OOEP: variants seen among roughly 807,000 people sequenced by gnomAD.
OOEP encodes oocyte-expressed protein homolog.
In OOEP, 16 loss-of-function variants were observed where a neutral mutation model predicts 13.7. That is an observed-to-expected ratio of 1.16 (90% CI 0.79 to 1.77). The LOEUF is 1.77. Ranked by LOEUF, OOEP falls within the 40% of genes most tolerant of loss-of-function variation. The probability of loss-of-function intolerance (pLI) is 0.00; values close to 1 mark genes in which losing one functional copy is unlikely to be tolerated. For synonymous variants in OOEP, 89 were observed against 77.1 expected (o/e 1.15, Z -0.81); for missense variants, 195 against 193.1 (o/e 1.01, Z -0.06).
chr6:73,381,561 A>G (rs1434014435), intron 2 of OOEP, among the ~76,000 whole-genome samples: 1 of 152,236 alleles, frequency 6.6e-6, no homozygotes, highest in Non-Finnish European at 1.5e-5. Flanking sequence ...GTAAAGCAGG[A>G]ACAGACACTA....
chr6:73,389,141 C>A (rs1204829859), intron 2 of OOEP, among the ~76,000 whole-genome samples: 1 of 152,154 alleles, frequency 6.6e-6, no homozygotes, highest in Non-Finnish European at 1.5e-5. Flanking sequence ...TTGAGGAAGC[C>A]AGAGGCTTCG....
intron 2 of OOEP, among the ~76,000 whole-genome samples, chr6:73,381,072 T>C (rs1213180980): frequency 2.6e-5 from 4 of 151,742 alleles, no homozygotes; most frequent in Non-Finnish European, 4.4e-5. Context: ...GGCAGGAGAA[T>C]TGCTTGAACC....
chr6:73,379,336 T>C (rs1769171479), intron 2 of OOEP, among the ~76,000 whole-genome samples: 1 of 150,514 alleles, frequency 6.6e-6, no homozygotes, highest in Non-Finnish European at 1.5e-5. Flanking sequence ...AAAAATAATT[T>C]GTTTCTCAAA....
intron 2 of OOEP, among the ~76,000 whole-genome samples, chr6:73,386,811 C>CA (rs1254107347): frequency 1.3e-5 from 2 of 151,064 alleles, no homozygotes; most frequent in South Asian, 2.1e-4. Context: ...ATTAAAAATA[C>CA]AAAAAAATTA....
chr6:73,394,541 G>C (rs995975187), intron 1 of OOEP: 2 of 579,430 alleles, frequency 3.5e-6, no homozygotes. Context: ...CCAGGAACCC[G>C]AGGTGTGTGT....
At chr6:73,393,739 G>A (rs939412559) in intron 2 of OOEP, among the ~76,000 whole-genome samples, 2 of 152,138 alleles carry the variant, frequency 1.3e-5, no homozygotes, top group African/African-American at 4.8e-5. Context: ...TATCACTTGA[G>A]TCCAACAGGT....
chr6:73,384,983 C>T (rs537413495), intron 2 of OOEP, among the ~76,000 whole-genome samples: 1 of 151,282 alleles, frequency 6.6e-6, no homozygotes, highest in East Asian at 2.0e-4. Context: ...GTGATCCACT[C>T]GCCTTGGCCT....
chr6:73,369,350 T>A lies in OOEP; in HGVS notation c.226A>T (p.Thr76Ser), dbSNP rs778824912. 1.3e-5 allele frequency: 21 copies of A among 1,613,358 alleles called. No homozygotes were observed. In the South Asian group the frequency reaches 2.3e-4, roughly 18 times the overall value. Reference sequence around the variant, plus strand: ...TCCACTGTCAGCAGGGCCTGGCTCGTCCACTCCATTTCTGGAATTATGGCT... The same window carrying A: ...TCCACTGTCAGCAGGGCCTGGCTCGACCACTCCATTTCTGGAATTATGGCT... ...DRAIIPEMEW[T>S]SQALLTVDIV... The change falls in exon 2 of 3, where the codon ACG (threonine) becomes TCG (serine). Residue 76 changes from threonine to serine, a missense_variant. Coordinates refer to ENST00000370359, the MANE Select transcript of OOEP (RefSeq NM_001080507.3).
chr6:73,369,979 TC>T, upstream of OOEP: 1 of 591,354 alleles, frequency 1.7e-6, no homozygotes, highest in Non-Finnish European at 3.0e-6. Context: ...ATTGGACACT[TC>T]CTGCGCTGCT....
chr6:73,378,544 A>G (rs1769161621), intron 2 of OOEP, among the ~76,000 whole-genome samples: 1 of 151,922 alleles, frequency 6.6e-6, no homozygotes, highest in Non-Finnish European at 1.5e-5. Context: ...TGAAACTCCA[A>G]CTCAGAAAGA....
At chr6:73,376,062 G>A (rs1052824267) in intron 2 of OOEP, among the ~76,000 whole-genome samples, 2 of 152,072 alleles carry the variant, frequency 1.3e-5, no homozygotes, top group Non-Finnish European at 2.9e-5. Context: ...GTGATTACAG[G>A]TGTGAGCCAC....
chr6:73,368,560 T>C lies in OOEP; in HGVS notation c.*224A>G. 1 of 430,860 alleles carries C rather than the reference T, an allele frequency of 2.3e-6. No homozygotes were observed. Among genetic ancestry groups the C allele is most frequent in the Non-Finnish European group, 4.1e-6 (1 of 241,734 alleles). 26.7% of individuals were successfully genotyped at this position (430,860 alleles called of 1,614,324 possible). A position where few individuals can be genotyped will look rare whatever the true frequency, so the allele number is the denominator to read the frequency against. On this transcript the variant is annotated 3_prime_UTR_variant, in exon 3 of 3. Coordinates refer to ENST00000370359, the MANE Select transcript of OOEP (RefSeq NM_001080507.3). ...AACATGAGTGGGAGTCAATCTTTTATAAATTTGCTTTATTATAAGTGTGTG... is the reference window on the plus strand; with the variant it reads ...AACATGAGTGGGAGTCAATCTTTTACAAATTTGCTTTATTATAAGTGTGTG...
Position 73,385,073 on chromosome 6 carries a change from G to C in OOEP, c.25+9273C>G, listed in dbSNP as rs184530855. On this transcript the variant is annotated intron_variant, in intron 2 of 3. Transcript: ENST00000370363. ...TAAAAAAGGCAAATGGAGGCTGGGC[G>C]TGGTGGCTCACGCCTGTAATCCCAG... Among the ~76,000 whole-genome samples the C allele has an allele frequency of 1.9e-3, 291 of 151,050 alleles. 1 individual carries two copies. Among genetic ancestry groups the C allele is most frequent in the Non-Finnish European group, 3.1e-3 (213 of 67,642 alleles).
chr6:73,395,137 T>G (rs376929047), upstream of OOEP: 87 of 1,613,224 alleles, frequency 5.4e-5, 1 homozygote, highest in East Asian at 8.0e-4. Flanking sequence ...GAAGAGCCAC[T>G]TTGTTGGCGC....
At chr6:73,394,562 A>C (rs78292651) in intron 1 of OOEP, 15,736 of 497,462 alleles carry the variant, frequency 0.032, 1,118 homozygotes, top group East Asian at 0.19. Flanking sequence ...CCAGTAGGGG[A>C]GGGAGCAAAT....
At chr6:73,376,897 C>G (rs112595971) in intron 2 of OOEP, among the ~76,000 whole-genome samples, 4,021 of 152,240 alleles carry the variant, frequency 0.026, 172 homozygotes, top group African/African-American at 0.091. Flanking sequence ...GGTGATCCAC[C>G]CGCTTTGGCC....
At chr6:73,384,405 A>G (rs1358087238) in intron 2 of OOEP, among the ~76,000 whole-genome samples, 1 of 152,218 alleles carries the variant, frequency 6.6e-6, no homozygotes, top group African/African-American at 2.4e-5. Flanking sequence ...CTTCCAAAAA[A>G]CAGAAGATGA....
chr6:73,369,687 T>A lies in OOEP; in HGVS notation c.106A>T (p.Ile36Phe), dbSNP rs939440457. 3.1e-6 allele frequency: 5 copies of A among 1,613,998 alleles called. No individual in the cohort carries two copies. Among genetic ancestry groups the A allele is most frequent in the Middle Eastern group, 3.3e-4 (2 of 6,062 alleles). Residue 36 changes from isoleucine to phenylalanine, a missense_variant, in exon 1 of 3, where the codon ATC becomes TTC. By Grantham distance (21) the Ile-to-Phe change is conservative. Transcript: ENST00000370359. ...TGCACCGGAAACCACCAGGGCCGGA[T>A]GCGAATCTGTGGCGGCGGAAGTGGT... Reference protein sequence around the residue: ...RLPLPPPQIRIRPWWFPVQEL... With the variant: ...RLPLPPPQIRFRPWWFPVQEL...
intron 2 of OOEP, among the ~76,000 whole-genome samples, chr6:73,379,883 C>T (rs1181667096): frequency 6.6e-6 from 1 of 152,102 alleles, no homozygotes; most frequent in African/African-American, 2.4e-5. Flanking sequence ...CCACCATGCC[C>T]AGCCTCATAT....
Sources: gnomAD v4.1 joint callset for allele counts (sites outside exome capture counted in the v4.1 genomes callset) on GRCh38, gnomAD v4.1.1 for gene constraint, MANE v1.5 for transcripts, NCBI Gene and HGNC (gene_info 2026-07-23, HGNC 2026-07-21) for gene names.